EFCAB6: variants seen among roughly 807,000 people sequenced by gnomAD.
EFCAB6 encodes EF-hand calcium binding domain 6.
In EFCAB6, 156 loss-of-function variants were observed where a neutral mutation model predicts 169.8. The ratio of observed to expected loss-of-function variants is 0.92; its 90% CI spans 0.81 to 1.05. The LOEUF (loss-of-function observed/expected upper bound fraction) is 1.05. EFCAB6 is among the 50% of genes least tolerant of loss of function. The pLI is 0.00. For synonymous variants in EFCAB6, 698 were observed against 676.4 expected (o/e 1.03, Z -0.50); for missense variants, 1,800 against 1,829.1 (o/e 0.98, Z 0.29).
chr22:43,685,771 C>T (rs967078599), intron 11 of EFCAB6, among the ~76,000 whole-genome samples: 1 of 152,118 alleles, frequency 6.6e-6, no homozygotes, highest in African/African-American at 2.4e-5. Context: ...TTACATGTTT[C>T]ACTTTTTGAC....
chr22:43,693,635 T>C (rs2058480995), intron 10 of EFCAB6, among the ~76,000 whole-genome samples: 1 of 151,278 alleles, frequency 6.6e-6, no homozygotes, highest in Non-Finnish European at 1.5e-5. Context: ...AGTTCATTAA[T>C]TGTGAAAAAG....
chr22:43,567,206 G>A lies in EFCAB6; in HGVS notation c.3420+9091C>T, dbSNP rs1000401909. ...GCCCTCCTCAGCCATACAGCTTGAC[G>A]TTCACAAAGGATCTATGCTGAGACC... On this transcript the variant is annotated intron_variant, in intron 26 of 31. Coordinates refer to ENST00000262726, the MANE Select transcript of EFCAB6 (RefSeq NM_022785.4). Among the ~76,000 whole-genome samples, 6 of 151,970 alleles carry A rather than the reference G, an allele frequency of 3.9e-5. No homozygotes were observed. In the Middle Eastern group the frequency reaches 0.014, roughly 345 times the overall value.
chr22:43,767,629 T>G (rs1244944026), intron 4 of EFCAB6, among the ~76,000 whole-genome samples: 2 of 152,190 alleles, frequency 1.3e-5, no homozygotes, highest in African/African-American at 4.8e-5. Flanking sequence ...AGCAGAGGTA[T>G]GGCCTCCCTG....
At chr22:43,636,297 C>T (rs946459679) in intron 17 of EFCAB6, among the ~76,000 whole-genome samples, 8 of 152,130 alleles carry the variant, frequency 5.3e-5, no homozygotes, top group South Asian at 4.2e-4. Context: ...AGCAGTGCAG[C>T]GGTGCTCACT....
At chr22:43,788,090 T>A (rs1267830826) in intron 2 of EFCAB6, among the ~76,000 whole-genome samples, 1 of 151,984 alleles carries the variant, frequency 6.6e-6, no homozygotes, top group Admixed American at 6.6e-5. Context: ...TCAAAATAGA[T>A]CAAAGCCCTA....
At chr22:43,666,516 C>G (rs148355658) in intron 17 of EFCAB6, among the ~76,000 whole-genome samples, 1 of 152,238 alleles carries the variant, frequency 6.6e-6, no homozygotes, top group East Asian at 1.9e-4. Context: ...TTAAAAATAG[C>G]TGAGGATGAT....
At chr22:43,656,477 T>C (rs1231318782) in intron 17 of EFCAB6, among the ~76,000 whole-genome samples, 2 of 152,120 alleles carry the variant, frequency 1.3e-5, no homozygotes, top group Non-Finnish European at 2.9e-5. Flanking sequence ...TGAACCCAAT[T>C]GACATGCTGT....
chr22:43,732,076 C>T (rs187912939), intron 7 of EFCAB6, among the ~76,000 whole-genome samples: 229 of 152,222 alleles, frequency 1.5e-3, no homozygotes, highest in African/African-American at 5.4e-3. Context: ...TTGAAGAATA[C>T]CCCAACCTAG....
chr22:43,724,495 G>A (rs554270358), intron 8 of EFCAB6, among the ~76,000 whole-genome samples: 4 of 150,862 alleles, frequency 2.7e-5, no homozygotes, highest in South Asian at 2.1e-4. Context: ...AGCCTCCCAA[G>A]TAGCTGGGAT....
At chr22:43,631,061 G>A (rs1010644268) in intron 19 of EFCAB6, among the ~76,000 whole-genome samples, 1 of 151,888 alleles carries the variant, frequency 6.6e-6, no homozygotes, top group Non-Finnish European at 1.5e-5. Flanking sequence ...TCAGTCTGGG[G>A]AGGTGCCTCA....
At chr22:43,594,364 A>G (rs1365283184) in intron 23 of EFCAB6, among the ~76,000 whole-genome samples, 2 of 152,072 alleles carry the variant, frequency 1.3e-5, no homozygotes, top group Admixed American at 6.5e-5. Context: ...TGGATTAAAA[A>G]ACAAGACCCA....
chr22:43,711,978 T>C (rs111372468), intron 9 of EFCAB6, among the ~76,000 whole-genome samples: 157 of 152,348 alleles, frequency 1.0e-3, no homozygotes, highest in Non-Finnish European at 8.4e-4. Flanking sequence ...CACGCTACGC[T>C]TCTCCTGATT....
chr22:43,728,874 T>A (rs962853525), intron 8 of EFCAB6, among the ~76,000 whole-genome samples: 2 of 152,216 alleles, frequency 1.3e-5, no homozygotes, highest in Non-Finnish European at 2.9e-5. Flanking sequence ...TTTACTCTGA[T>A]CATAGTTTGT....
At chr22:43,738,258 TCA>T (rs770160802) in intron 6 of EFCAB6, among the ~76,000 whole-genome samples, 9 of 139,358 alleles carry the variant, frequency 6.5e-5, no homozygotes, top group Admixed American at 1.4e-4. Flanking sequence ...ATATATTCAC[TCA>T]CACACATGCA....
intron 17 of EFCAB6, 87 bp from the exon 18 acceptor site, chr22:43,635,303 T>C: frequency 1.0e-6 from 1 of 956,898 alleles, no homozygotes; most frequent in South Asian, 1.3e-5. Flanking sequence ...CTGTGCTGGC[T>C]CACAGCAGGG....
chr22:43,581,088 CAA>C (rs1365436715), intron 24 of EFCAB6, among the ~76,000 whole-genome samples: 1 of 152,050 alleles, frequency 6.6e-6, no homozygotes, highest in African/African-American at 2.4e-5. Flanking sequence ...GACAGCGGCT[CAA>C]AGACAGTGTG....
At chr22:43,800,399 T>C (rs991071345) in intron 2 of EFCAB6, among the ~76,000 whole-genome samples, 1 of 152,104 alleles carries the variant, frequency 6.6e-6, no homozygotes, top group African/African-American at 2.4e-5. Flanking sequence ...AATAGATAAC[T>C]TCGATGCAAA....
At chr22:43,758,568 CTA>C (rs2061040729) in intron 5 of EFCAB6, among the ~76,000 whole-genome samples, 1 of 152,200 alleles carries the variant, frequency 6.6e-6, no homozygotes, top group Admixed American at 6.5e-5. Context: ...TGTTTTAACT[CTA>C]AACTTTTTAT....
rs1405083800 is a variant in EFCAB6, at chr22:43,540,375, G to C, written c.3649-18C>G. 5 of 1,613,532 alleles carry C rather than the reference G, an allele frequency of 3.1e-6. No homozygotes were observed. The highest frequency in any genetic ancestry group is 1.7e-5 in the Admixed American group (1 of 60,010). On this transcript the variant is annotated intron_variant, in intron 27 of 31. Coordinates refer to ENST00000262726, the MANE Select transcript of EFCAB6 (RefSeq NM_022785.4). ...CTGTCAAACTGGAGAAGGAGCAGAA[G>C]TCATTTCCCAGGTGTCAGTGCAAAC...
Sources: gnomAD v4.1 joint callset for allele counts (sites outside exome capture counted in the v4.1 genomes callset) on GRCh38, gnomAD v4.1.1 for gene constraint, MANE v1.5 for transcripts, NCBI Gene and HGNC (gene_info 2026-07-23, HGNC 2026-07-21) for gene names.